The following SOX6 variants were observed in gnomAD, a reference collection of about 807,000 sequenced individuals.
SOX6 encodes the protein SRY-box transcription factor 6, also known as transcription factor SOX-6.
In SOX6, 11 loss-of-function variants were observed where a neutral mutation model predicts 97.8. The ratio of observed to expected loss-of-function variants is 0.11; its 90% confidence interval spans 0.07 to 0.19. The LOEUF (loss-of-function observed/expected upper bound fraction) is 0.19. Among genes scored for constraint, SOX6 ranks in the 10% least tolerant of loss-of-function variants. SOX6 has a pLI of 1.00. For missense variants in SOX6, 810 were observed against 1,039.5 expected (o/e 0.78, Z 3.04); for synonymous variants, 360 against 371.4 (o/e 0.97, Z 0.35).
intron 9 of SOX6, among the ~76,000 whole-genome samples, chr11:16,070,726 C>T (rs1334036657): frequency 2.0e-5 from 3 of 151,864 alleles, no homozygotes; most frequent in Non-Finnish European, 2.9e-5. Context: ...CTGGGCTCAA[C>T]GCAGAGCCAG....
chr11:16,596,616 A>G (rs1010843235), intron 4 of SOX6, among the ~76,000 whole-genome samples: 1 of 152,222 alleles, frequency 6.6e-6, no homozygotes. Flanking sequence ...GCTGTTATAC[A>G]TAACGCCATG....
At position 16,286,534 on chromosome 11, in the gene SOX6, T is replaced by C. The variant is rs1157517326; in HGVS notation, c.445+31912A>G. Among the ~76,000 whole-genome samples the C allele has an allele frequency of 2.0e-5, 3 of 152,244 alleles. No homozygotes were observed. In the East Asian group the frequency reaches 5.8e-4, roughly 29 times the overall value. ...TCTCTATATAGCATATACTTCAATA[T>C]AACTAAGATATCTTTTAATATGATG... On this transcript the variant is annotated intron_variant, in intron 3 of 15. Transcript: ENST00000683767.
intron 4 of SOX6, among the ~76,000 whole-genome samples, chr11:16,195,358 C>T (rs1851743970): frequency 1.3e-5 from 2 of 152,212 alleles, no homozygotes; most frequent in Non-Finnish European, 2.9e-5. Flanking sequence ...TATCTTCCCT[C>T]ATCTCACACT....
intron 1 of SOX6, among the ~76,000 whole-genome samples, chr11:16,406,672 C>G (rs1858693226): frequency 6.6e-6 from 1 of 152,058 alleles, no homozygotes; most frequent in African/African-American, 2.4e-5. Flanking sequence ...GACAAATGCC[C>G]TATCAATATT....
chr11:16,163,377 C>G (rs969646011), intron 6 of SOX6, among the ~76,000 whole-genome samples: 3 of 152,080 alleles, frequency 2.0e-5, no homozygotes, highest in African/African-American at 4.8e-5. Flanking sequence ...TTTTACTATG[C>G]CTTTTATAAA....
chr11:16,579,249 G>T (rs2133966048), intron 4 of SOX6, among the ~76,000 whole-genome samples: 1 of 151,770 alleles, frequency 6.6e-6, no homozygotes, highest in South Asian at 2.1e-4. Flanking sequence ...TCTTTTAAAT[G>T]CTCTACTTAT....
exon 1 of SOX6, chr11:16,738,458 C>T (rs1848412700): frequency 2.3e-6 from 1 of 434,118 alleles, no homozygotes; most frequent in South Asian, 2.8e-5. Flanking sequence ...CTTCCTCCAC[C>T]AGCCGAAGGC....
chr11:16,085,235 A>G (rs2133960369), intron 9 of SOX6, among the ~76,000 whole-genome samples: 1 of 152,278 alleles, frequency 6.6e-6, no homozygotes, highest in Admixed American at 6.5e-5. Flanking sequence ...GGAGCTCCTC[A>G]ACTCTGGAGG....
intron 1 of SOX6, among the ~76,000 whole-genome samples, chr11:16,471,683 T>C (rs1380390670): frequency 6.6e-6 from 1 of 152,154 alleles, no homozygotes; most frequent in Non-Finnish European, 1.5e-5. Flanking sequence ...CCACAACAAA[T>C]GAGAGAACTA....
chr11:16,059,409 C>T (rs538221087), intron 9 of SOX6, among the ~76,000 whole-genome samples: 13 of 151,858 alleles, frequency 8.6e-5, no homozygotes, highest in Admixed American at 2.6e-4. Context: ...TCATCAACCA[C>T]GGAGAAAATA....
At chr11:16,277,914 A>G (rs1854445900) in intron 3 of SOX6, among the ~76,000 whole-genome samples, 1 of 152,024 alleles carries the variant, frequency 6.6e-6, no homozygotes, top group Non-Finnish European at 1.5e-5. Flanking sequence ...TATCATTTAC[A>G]AAGTAAGAAT....
intron 6 of SOX6, among the ~76,000 whole-genome samples, chr11:16,128,919 A>G (rs1463924037): frequency 2.0e-5 from 3 of 151,884 alleles, no homozygotes; most frequent in Non-Finnish European, 2.9e-5. Flanking sequence ...GGAGTGCAAT[A>G]GCGCAATCTC....
chr11:16,567,561 CTTTTTTTTTTTTTTTTT>C (rs59320140), intron 4 of SOX6, among the ~76,000 whole-genome samples: 1 of 87,322 alleles, frequency 1.1e-5, no homozygotes, highest in Admixed American at 1.6e-4. Context: ...ATATTTTTTT[CTTTTTTTTTTTTTTTTT>C]TTTTTTTTGA....
intron 4 of SOX6, among the ~76,000 whole-genome samples, chr11:16,230,651 T>C (rs1034931890): frequency 6.6e-6 from 1 of 151,884 alleles, no homozygotes; most frequent in Non-Finnish European, 1.5e-5. Flanking sequence ...CCCTTTCATA[T>C]AAATGTAATA....
chr11:16,363,460 T>C (rs73429682), intron 1 of SOX6, among the ~76,000 whole-genome samples: 6,346 of 152,138 alleles, frequency 0.042, 421 homozygotes, highest in African/African-American at 0.14. Flanking sequence ...CCAAAAAAAG[T>C]CTGAAACTTG....
intron 3 of SOX6, among the ~76,000 whole-genome samples, chr11:16,612,974 T>A (rs1016088878): frequency 6.6e-6 from 1 of 152,098 alleles, no homozygotes; most frequent in Non-Finnish European, 1.5e-5. Flanking sequence ...TAAACGGGAT[T>A]TCCCCCCCAC....
chr11:16,667,175 G>C (rs1391847823), intron 3 of SOX6, among the ~76,000 whole-genome samples: 1 of 151,248 alleles, frequency 6.6e-6, no homozygotes, highest in East Asian at 1.9e-4. Context: ...AAAAGATGAA[G>C]TTTGCAGTGA....
At chr11:16,259,400 C>T (rs1271695164) in intron 3 of SOX6, among the ~76,000 whole-genome samples, 1 of 151,754 alleles carries the variant, frequency 6.6e-6, no homozygotes, top group Non-Finnish European at 1.5e-5. Context: ...AATTAAAATC[C>T]CAGTAAGTAT....
At chr11:16,697,345 T>A (rs1848061208) in intron 3 of SOX6, among the ~76,000 whole-genome samples, 1 of 152,152 alleles carries the variant, frequency 6.6e-6, no homozygotes, top group Non-Finnish European at 1.5e-5. Context: ...TAAAAGATTT[T>A]TTATTGGGCC....
Sources: gnomAD v4.1 joint callset for allele counts (sites outside exome capture counted in the v4.1 genomes callset) on GRCh38, gnomAD v4.1.1 for gene constraint, MANE v1.5 for transcripts, NCBI Gene and HGNC (gene_info 2026-07-23, HGNC 2026-07-21) for gene names.